The following NTN4 variants were observed in gnomAD, a reference collection of about 807,000 sequenced individuals.
NTN4 encodes the protein netrin-4.
NTN4 carries 32 observed loss-of-function variants against 73.6 expected under a neutral mutation model. That is an observed-to-expected ratio of 0.44 (90% confidence interval 0.33 to 0.58). NTN4 has a LOEUF of 0.58. Among genes scored for constraint, NTN4 ranks in the 20% least tolerant of loss-of-function variants. The pLI is 0.04. For missense variants in NTN4, 654 were observed against 798.3 expected (o/e 0.82, Z 2.18); for synonymous variants, 258 against 287.5 (o/e 0.90, Z 1.04).
At chr12:95,678,515 A>T (rs1290004556) in intron 7 of NTN4, among the ~76,000 whole-genome samples, 3 of 152,130 alleles carry the variant, frequency 2.0e-5, no homozygotes, top group African/African-American at 7.2e-5. Context: ...AATAGAAGAG[A>T]ATGACATTTA....
At chr12:95,688,700 G>A (rs576059244) in intron 5 of NTN4, among the ~76,000 whole-genome samples, 1 of 151,540 alleles carries the variant, frequency 6.6e-6, no homozygotes, top group South Asian at 2.1e-4. Context: ...AGAACACGGT[G>A]GAAACATCCA....
At chr12:95,675,363 CTG>C (rs2078265520) in intron 7 of NTN4, among the ~76,000 whole-genome samples, 1 of 152,166 alleles carries the variant, frequency 6.6e-6, no homozygotes, top group African/African-American at 2.4e-5. Flanking sequence ...GGTTTTAAAA[CTG>C]TGATTTCTTT....
At chr12:95,786,168 A>G (rs1012592166) in intron 2 of NTN4, among the ~76,000 whole-genome samples, 1 of 152,214 alleles carries the variant, frequency 6.6e-6, no homozygotes, top group Non-Finnish European at 1.5e-5. Flanking sequence ...GTATTTCTTC[A>G]TCTACTTATT....
chr12:95,753,943 C>T, intron 2 of NTN4, among the ~76,000 whole-genome samples: 1 of 152,210 alleles, frequency 6.6e-6, no homozygotes. Flanking sequence ...TTCTCAACTA[C>T]TCATACATGC....
chr12:95,713,381 C>T (rs1374333081), intron 3 of NTN4, 43 bp from the exon 4 acceptor site: 19 of 1,512,422 alleles, frequency 1.3e-5, no homozygotes, highest in Non-Finnish European at 1.6e-5. Flanking sequence ...CACATGTCGC[C>T]AAAGAAGAAC....
chr12:95,750,476 A>G (rs2078898049), intron 2 of NTN4, among the ~76,000 whole-genome samples: 1 of 152,126 alleles, frequency 6.6e-6, no homozygotes, highest in Non-Finnish European at 1.5e-5. Flanking sequence ...CTTGACCCCA[A>G]TACAAACTCA....
chr12:95,751,884 T>C (rs936664331), intron 2 of NTN4, among the ~76,000 whole-genome samples: 3 of 97,744 alleles, frequency 3.1e-5, no homozygotes, highest in African/African-American at 7.8e-5. Flanking sequence ...ACTTAGACAA[T>C]ACCCTTTTAA....
intron 2 of NTN4, among the ~76,000 whole-genome samples, chr12:95,754,567 G>A (rs955532210): frequency 6.6e-6 from 1 of 152,082 alleles, no homozygotes; most frequent in African/African-American, 2.4e-5. Context: ...AAAAGGCCCT[G>A]CCCCGCCTTA....
intron 5 of NTN4, among the ~76,000 whole-genome samples, chr12:95,697,068 G>C (rs971361739): frequency 6.6e-6 from 1 of 151,766 alleles, no homozygotes; most frequent in South Asian, 2.1e-4. Flanking sequence ...CCAACTACTC[G>C]AGAGGCTGAG....
chr12:95,673,634 A>G (rs1169128968), intron 7 of NTN4: 1 of 152,982 alleles, frequency 6.5e-6, no homozygotes, highest in Non-Finnish European at 1.5e-5. Flanking sequence ...TTTATAAAAA[A>G]AAAAAAGTAT....
intron 2 of NTN4, among the ~76,000 whole-genome samples, chr12:95,763,687 G>A (rs983823612): frequency 2.6e-5 from 4 of 152,168 alleles, no homozygotes; most frequent in Non-Finnish European, 5.9e-5. Flanking sequence ...GATGTCAAGC[G>A]AATTCTAGCC....
chr12:95,759,757 T>TG lies in NTN4; in HGVS notation c.586-21614dup, dbSNP rs200976903. Among the ~76,000 whole-genome samples, 1,459 of 152,254 alleles carry TG rather than the reference T, an allele frequency of 9.6e-3. 21 individuals are homozygous for TG. Among genetic ancestry groups the TG allele is most frequent in the African/African-American group, 0.033 (1,358 of 41,550 alleles). On this transcript the variant is annotated intron_variant, in intron 2 of 9. Transcript: ENST00000343702. ...GATTACAGGTGTGAGCCACTGTACC[T>TG]GGCCCCTTGTAGTATATTTTTTAAA...
chr12:95,775,492 G>A (rs570773103), intron 2 of NTN4, among the ~76,000 whole-genome samples: 67 of 152,322 alleles, frequency 4.4e-4, no homozygotes, highest in Admixed American at 2.0e-3. Flanking sequence ...CTAATATTGC[G>A]CTTTTCCAAT....
In NTN4 at chr12:95,787,366, C is replaced by A. The variant is rs759152015; in HGVS notation, c.158G>T (p.Cys53Phe). The change falls in exon 2 of 10, where the codon TGC becomes TTC. Residue 53 changes from cysteine to phenylalanine, a missense_variant. By Grantham distance (205) the Cys-to-Phe change is radical. Coordinates refer to ENST00000343702, the MANE Select transcript of NTN4 (RefSeq NM_021229.4). ...LGRKLWADTTCGQNATELYCF... is the reference protein window; with the variant it reads ...LGRKLWADTTFGQNATELYCF... Reference sequence around the variant, plus strand: ...GTACAGTTCGGTAGCATTCTGACCGCAGGTGGTGTCTGCCCAGAGTTTTCG... The same window carrying A: ...GTACAGTTCGGTAGCATTCTGACCGAAGGTGGTGTCTGCCCAGAGTTTTCG... 1 of 1,614,216 alleles carries A rather than the reference C, an allele frequency of 6.2e-7. No homozygotes were observed. The highest frequency in any genetic ancestry group is 1.1e-5 in the South Asian group (1 of 91,082).
At chr12:95,775,796 A>G (rs1179581955) in intron 2 of NTN4, among the ~76,000 whole-genome samples, 4 of 152,226 alleles carry the variant, frequency 2.6e-5, no homozygotes, top group Non-Finnish European at 2.9e-5. Context: ...ACCTCTGCAG[A>G]CTTAAATGTC....
chr12:95,746,398 C>A (rs372933716), intron 2 of NTN4, among the ~76,000 whole-genome samples: 3,479 of 152,238 alleles, frequency 0.023, 44 homozygotes, highest in East Asian at 0.039. Context: ...CCCCCCCTCC[C>A]CTTTCTAAAC....
At chr12:95,721,348 G>C (rs2078646372) in intron 3 of NTN4, among the ~76,000 whole-genome samples, 1 of 152,132 alleles carries the variant, frequency 6.6e-6, no homozygotes. Flanking sequence ...TGAATACAGA[G>C]AGACTGGCCC....
At chr12:95,719,392 C>T (rs1288147142) in intron 3 of NTN4, among the ~76,000 whole-genome samples, 1 of 152,094 alleles carries the variant, frequency 6.6e-6, no homozygotes, top group Non-Finnish European at 1.5e-5. Context: ...ACGACAGCTG[C>T]AGCAATTCAT....
At chr12:95,755,081 T>C (rs539014201) in intron 2 of NTN4, among the ~76,000 whole-genome samples, 1 of 152,374 alleles carries the variant, frequency 6.6e-6, no homozygotes, top group Admixed American at 6.5e-5. Context: ...TATTAAGTTA[T>C]GTAAAAACTT....
Sources: gnomAD v4.1 joint callset for allele counts (sites outside exome capture counted in the v4.1 genomes callset) on GRCh38, gnomAD v4.1.1 for gene constraint, MANE v1.5 for transcripts, NCBI Gene and HGNC (gene_info 2026-07-23, HGNC 2026-07-21) for gene names.